Variants in UHRF2 observed in about 807,000 individuals in gnomAD.
UHRF2 encodes ubiquitin like with PHD and ring finger domains 2.
Under a neutral mutation model 96.8 loss-of-function variants are expected in UHRF2, and 23 were observed. The observed-to-expected ratio is 0.24, with a 90% CI of 0.17 to 0.34. The LOEUF is 0.34. Ranked by LOEUF, UHRF2 falls within the 10% of genes least tolerant of loss-of-function variation. The pLI is 1.00. For missense variants in UHRF2, 685 were observed against 981.5 expected (o/e 0.70, Z 4.04); for synonymous variants, 385 against 332.6 (o/e 1.16, Z -1.72).
chr9:6,447,952 G>T (rs1034389728), intron 3 of UHRF2, among the ~76,000 whole-genome samples: 1 of 152,154 alleles, frequency 6.6e-6, no homozygotes, highest in Non-Finnish European at 1.5e-5. Context: ...TGGTTAATTT[G>T]TATTAACATT....
At chr9:6,473,963 A>G (rs1463360970) in intron 4 of UHRF2, among the ~76,000 whole-genome samples, 1 of 152,256 alleles carries the variant, frequency 6.6e-6, no homozygotes, top group Non-Finnish European at 1.5e-5. Flanking sequence ...GGACTTGTTA[A>G]CAGATTTCAA....
At chr9:6,453,106 A>G (rs957756185) in intron 3 of UHRF2, among the ~76,000 whole-genome samples, 1 of 152,208 alleles carries the variant, frequency 6.6e-6, no homozygotes, top group Admixed American at 6.5e-5. Flanking sequence ...ATGAGTACAG[A>G]TAGAATATAT....
At chr9:6,472,135 A>C (rs960679921) in intron 4 of UHRF2, among the ~76,000 whole-genome samples, 3 of 152,172 alleles carry the variant, frequency 2.0e-5, no homozygotes, top group Non-Finnish European at 4.4e-5. Flanking sequence ...CATTACAGTT[A>C]CCGCTACCAT....
At chr9:6,461,393 C>T (rs552189418) in intron 4 of UHRF2, among the ~76,000 whole-genome samples, 2 of 128,588 alleles carry the variant, frequency 1.6e-5, no homozygotes, top group South Asian at 6.3e-4. Context: ...CTCTCCTCCC[C>T]CCCGCCCCTT....
chr9:6,442,148 A>G (rs775083742), intron 3 of UHRF2, among the ~76,000 whole-genome samples: 33 of 152,270 alleles, frequency 2.2e-4, no homozygotes, highest in Admixed American at 3.9e-4. Context: ...TGTTTTTAAT[A>G]GAGACAAGGT....
At chr9:6,452,388 A>G (rs1282307909) in intron 3 of UHRF2, among the ~76,000 whole-genome samples, 1 of 152,238 alleles carries the variant, frequency 6.6e-6, no homozygotes, top group East Asian at 1.9e-4. Context: ...AGGGGAAAAT[A>G]CCACTTTGTA....
At position 6,477,825 on chromosome 9, in the gene UHRF2, T is replaced by TTTG. The variant is rs766476251; in HGVS notation, c.1160+29_1160+31dup. 4 of 1,564,478 alleles carry TTTG rather than the reference T, an allele frequency of 2.6e-6. No individual in the cohort carries two copies. The highest frequency in any genetic ancestry group is 1.2e-5 in the South Asian group (1 of 84,942). On this transcript the variant is annotated intron_variant, in intron 6 of 15. Coordinates refer to ENST00000276893, the MANE Select transcript of UHRF2 (RefSeq NM_152896.3). ...GGAATACTGGTATGATTATCAGGTT[T>TTTG]TTGTTGTTGTTGTTCTTGCTGTGTA...
At chr9:6,447,981 A>G (rs958811704) in intron 3 of UHRF2, among the ~76,000 whole-genome samples, 2 of 152,222 alleles carry the variant, frequency 1.3e-5, no homozygotes, top group Non-Finnish European at 2.9e-5. Flanking sequence ...TTTTAACCCT[A>G]CCTAGTGTTT....
intron 9 of UHRF2, among the ~76,000 whole-genome samples, chr9:6,487,175 T>TTTATTTTTTATTTTTTA (rs1219013703): frequency 5.1e-4 from 73 of 142,744 alleles, no homozygotes; most frequent in African/African-American, 1.8e-3. Context: ...GCTTTTATTT[T>TTTATTTTTTATTTTTTA]TTTTTCCTTT....
chr9:6,433,248 C>T (rs1329096490), intron 2 of UHRF2, among the ~76,000 whole-genome samples: 1 of 152,168 alleles, frequency 6.6e-6, no homozygotes, highest in Non-Finnish European at 1.5e-5. Context: ...TGTCAGATTG[C>T]ATGGGTTAGT....
chr9:6,446,520 A>T (rs964568542), intron 3 of UHRF2, among the ~76,000 whole-genome samples: 2 of 151,728 alleles, frequency 1.3e-5, no homozygotes, highest in Admixed American at 6.6e-5. Context: ...GGCTGAAGTG[A>T]TTCGTCTGCC....
chr9:6,479,899 G>T (rs1283002225), intron 6 of UHRF2, among the ~76,000 whole-genome samples: 1 of 151,964 alleles, frequency 6.6e-6, no homozygotes, highest in East Asian at 1.9e-4. Flanking sequence ...TTCTGTAACG[G>T]ATGTCTAACT....
intron 4 of UHRF2, among the ~76,000 whole-genome samples, chr9:6,472,141 A>G (rs929204007): frequency 2.0e-5 from 3 of 152,206 alleles, no homozygotes; most frequent in Non-Finnish European, 4.4e-5. Flanking sequence ...AGTTACCGCT[A>G]CCATCTGTAG....
At chr9:6,415,871 C>T (rs1218707574) in intron 1 of UHRF2, among the ~76,000 whole-genome samples, 1 of 152,108 alleles carries the variant, frequency 6.6e-6, no homozygotes, top group Non-Finnish European at 1.5e-5. Context: ...AGATAGTCTC[C>T]CACTAGTCTC....
intron 9 of UHRF2, among the ~76,000 whole-genome samples, chr9:6,490,155 G>A (rs1004348467): frequency 6.6e-6 from 1 of 152,144 alleles, no homozygotes; most frequent in Admixed American, 6.5e-5. Context: ...TCTGGTCTCT[G>A]ACATTTGTTG....
chr9:6,413,822 G>A, intron 1 of UHRF2, 179 bp downstream of exon 1: 1 of 730,606 alleles, frequency 1.4e-6, no homozygotes, highest in Non-Finnish European at 2.0e-6. Flanking sequence ...ATGGTGGGGA[G>A]TGGGTCCCTG....
chr9:6,441,814 C>G (rs1460060450), intron 3 of UHRF2, among the ~76,000 whole-genome samples: 1 of 151,644 alleles, frequency 6.6e-6, no homozygotes, highest in African/African-American at 2.4e-5. Flanking sequence ...TTCATTCAAG[C>G]TAAATGATCT....
chr9:6,483,626 G>C (rs1824064901), intron 8 of UHRF2, among the ~76,000 whole-genome samples: 1 of 152,146 alleles, frequency 6.6e-6, no homozygotes, highest in Non-Finnish European at 1.5e-5. Flanking sequence ...GGCTTGAAAA[G>C]CTATGTATAT....
Position 6,506,338 on chromosome 9 carries a change from G to A in UHRF2, c.*159G>A. Reference sequence around the variant, plus strand: ...CCATCATCTTGTGTGTGTAGTAAGAGGCCCATTTCTCAACTGTCTTTTAAA... The same window carrying A: ...CCATCATCTTGTGTGTGTAGTAAGAAGCCCATTTCTCAACTGTCTTTTAAA... On this transcript the variant is annotated 3_prime_UTR_variant, in exon 16 of 16. Transcript: ENST00000276893. The A allele has an allele frequency of 1.1e-6, 1 of 883,280 alleles. No individual in the cohort carries two copies. Among genetic ancestry groups the A allele is most frequent in the Non-Finnish European group, 1.6e-6 (1 of 606,152 alleles). The allele number at this position is 883,280 out of a possible 1,614,324, so 54.7% of individuals were successfully genotyped here. A position where few individuals can be genotyped will look rare whatever the true frequency, so the allele number is the denominator to read the frequency against.
Sources: gnomAD v4.1 joint callset for allele counts (sites outside exome capture counted in the v4.1 genomes callset) on GRCh38, gnomAD v4.1.1 for gene constraint, MANE v1.5 for transcripts, NCBI Gene and HGNC (gene_info 2026-07-23, HGNC 2026-07-21) for gene names.